The following CDH13 variants were observed in gnomAD, a reference collection of about 807,000 sequenced individuals.
The protein encoded by CDH13 is cadherin 13.
Under a neutral mutation model 63.8 loss-of-function variants are expected in CDH13, and 24 were observed. That is an observed-to-expected ratio of 0.38 (90% CI 0.27 to 0.53). The LOEUF is 0.53. Among genes scored for constraint, CDH13 ranks in the 20% least tolerant of loss-of-function variants. CDH13 has a pLI of 0.85. For synonymous variants in CDH13, 503 were observed against 355.3 expected (o/e 1.42, Z -4.67); for missense variants, 1,049 against 903.1 (o/e 1.16, Z -2.07).
At chr16:83,481,848 G>C (rs533513785) in intron 6 of CDH13, among the ~76,000 whole-genome samples, 105 of 152,266 alleles carry the variant, frequency 6.9e-4, no homozygotes, top group African/African-American at 2.2e-3. Context: ...CCCTTTCTCT[G>C]CTGTCTGGAA....
chr16:82,851,922 A>T, intron 1 of CDH13, among the ~76,000 whole-genome samples: 2 of 152,348 alleles, frequency 1.3e-5, no homozygotes, highest in East Asian at 3.9e-4. Context: ...ACTGACTTTA[A>T]CAAGAGTAAA....
intron 4 of CDH13, among the ~76,000 whole-genome samples, chr16:83,210,828 G>A (rs2039317136): frequency 6.6e-6 from 1 of 151,076 alleles, no homozygotes; most frequent in Non-Finnish European, 1.5e-5. Flanking sequence ...GGGGGATCCT[G>A]GATTGGATTT....
chr16:83,431,932 C>T (rs1268930842), intron 6 of CDH13, among the ~76,000 whole-genome samples: 8 of 152,258 alleles, frequency 5.3e-5, no homozygotes, highest in Middle Eastern at 3.4e-3. Context: ...GTGATACATA[C>T]GGCCATTGGC....
At chr16:83,696,638 A>T (rs1341365418) in intron 10 of CDH13, among the ~76,000 whole-genome samples, 4 of 152,334 alleles carry the variant, frequency 2.6e-5, no homozygotes, top group South Asian at 2.1e-4. Context: ...TTTCCCAAAT[A>T]CTTAAAACAT....
At chr16:83,429,064 G>A (rs1015517005) in intron 6 of CDH13, among the ~76,000 whole-genome samples, 6 of 152,204 alleles carry the variant, frequency 3.9e-5, no homozygotes, top group African/African-American at 1.4e-4. Context: ...GAAGAAAGAG[G>A]AAAGCCTTAT....
At chr16:82,960,655 G>A (rs1056873142) in intron 2 of CDH13, among the ~76,000 whole-genome samples, 3 of 152,192 alleles carry the variant, frequency 2.0e-5, no homozygotes, top group Non-Finnish European at 2.9e-5. Flanking sequence ...TAGCAGGTAC[G>A]GTAACCACAA....
chr16:83,007,240 T>C (rs1567738047), intron 2 of CDH13, among the ~76,000 whole-genome samples: 1 of 152,182 alleles, frequency 6.6e-6, no homozygotes, highest in Non-Finnish European at 1.5e-5. Flanking sequence ...TAAATTCTAA[T>C]CATAGTGATG....
At chr16:82,963,899 T>C (rs564774400) in intron 2 of CDH13, among the ~76,000 whole-genome samples, 1 of 152,134 alleles carries the variant, frequency 6.6e-6, no homozygotes, top group Non-Finnish European at 1.5e-5. Context: ...GGTCGGAGAA[T>C]AGAGACCCCC....
intron 1 of CDH13, among the ~76,000 whole-genome samples, chr16:82,784,756 C>G (rs933903646): frequency 6.6e-6 from 1 of 152,136 alleles, no homozygotes; most frequent in Non-Finnish European, 1.5e-5. Context: ...GACATTCAAA[C>G]TGGCAAAAAG....
intron 2 of CDH13, among the ~76,000 whole-genome samples, chr16:82,996,545 A>G (rs989880966): frequency 1.3e-5 from 2 of 152,224 alleles, no homozygotes; most frequent in African/African-American, 4.8e-5. Flanking sequence ...GTCAGGTGAT[A>G]CATTGAAATC....
chr16:83,724,683 T>G (rs1472566813), intron 10 of CDH13, among the ~76,000 whole-genome samples: 1 of 152,194 alleles, frequency 6.6e-6, no homozygotes, highest in East Asian at 1.9e-4. Context: ...GGAGCCTATC[T>G]CCTAAGCTCT....
intron 10 of CDH13, among the ~76,000 whole-genome samples, chr16:83,705,530 G>A (rs1906901896): frequency 6.6e-6 from 1 of 152,130 alleles, no homozygotes; most frequent in African/African-American, 2.4e-5. Flanking sequence ...GCTGAGGCAG[G>A]AGAATGGCGT....
intron 1 of CDH13, among the ~76,000 whole-genome samples, chr16:82,700,588 A>G (rs1006914073): frequency 1.3e-5 from 2 of 151,892 alleles, no homozygotes; most frequent in African/African-American, 4.8e-5. Flanking sequence ...CCCAGGGATT[A>G]AGAAGTCTGG....
At chr16:82,936,442 G>C (rs1278913443) in intron 2 of CDH13, among the ~76,000 whole-genome samples, 1 of 152,014 alleles carries the variant, frequency 6.6e-6, no homozygotes, top group Admixed American at 6.6e-5. Flanking sequence ...AGGTAGAACA[G>C]TTTCAACCCG....
chr16:82,681,223 A>G (rs1914508505), intron 1 of CDH13, among the ~76,000 whole-genome samples: 1 of 152,222 alleles, frequency 6.6e-6, no homozygotes, highest in African/African-American at 2.4e-5. Context: ...ACAGGGATGA[A>G]CCTTGAAAAC....
chr16:83,668,541 A>T (rs1222712557), intron 8 of CDH13, among the ~76,000 whole-genome samples: 1 of 152,204 alleles, frequency 6.6e-6, no homozygotes, highest in Non-Finnish European at 1.5e-5. Flanking sequence ...GTGTCAGAAG[A>T]ACCACAAGGA....
intron 6 of CDH13, among the ~76,000 whole-genome samples, chr16:83,417,372 C>A (rs1466848898): frequency 6.6e-6 from 1 of 152,162 alleles, no homozygotes; most frequent in Non-Finnish European, 1.5e-5. Flanking sequence ...GCAAATGCTG[C>A]ACCCAGAATC....
intron 3 of CDH13, among the ~76,000 whole-genome samples, chr16:83,049,484 A>C (rs2030043313): frequency 6.6e-6 from 1 of 151,762 alleles, no homozygotes; most frequent in Non-Finnish European, 1.5e-5. Context: ...ACAGGTGCCC[A>C]CCACCACACC....
chr16:83,159,998 C>T (rs1008531908), intron 4 of CDH13, among the ~76,000 whole-genome samples: 1 of 152,054 alleles, frequency 6.6e-6, no homozygotes, highest in African/African-American at 2.4e-5. Context: ...ATTGCTTGAA[C>T]CCAGGAGGCA....
Sources: gnomAD v4.1 joint callset for allele counts (sites outside exome capture counted in the v4.1 genomes callset) on GRCh38, gnomAD v4.1.1 for gene constraint, MANE v1.5 for transcripts, NCBI Gene and HGNC (gene_info 2026-07-23, HGNC 2026-07-21) for gene names.